SVIL: variants seen among roughly 807,000 people sequenced by gnomAD.
The protein encoded by SVIL is archvillin.
SVIL carries 101 observed loss-of-function variants against 240.4 expected under a neutral mutation model. The observed-to-expected ratio is 0.42, with a 90% CI of 0.36 to 0.50. SVIL has a LOEUF of 0.50. Ranked by LOEUF, SVIL falls within the 20% of genes least tolerant of loss-of-function variation. SVIL has a pLI of 0.01. For missense variants in SVIL, 2,512 were observed against 2,818.7 expected (o/e 0.89, Z 2.46); for synonymous variants, 999 against 1,100.0 (o/e 0.91, Z 1.82).
chr10:29,665,022 T>C lies in SVIL; in HGVS notation c.-300-6954A>G, dbSNP rs900185431. ...TAGAAGGTTGAGGTGGGAGAATTGCTTGAGGCCAGGAGTTCAAGACCAGCT... is the reference window on the plus strand; with the variant it reads ...TAGAAGGTTGAGGTGGGAGAATTGCCTGAGGCCAGGAGTTCAAGACCAGCT... On this transcript the variant is annotated intron_variant, in intron 2 of 35. Coordinates refer to the SVIL transcript ENST00000375400. Among the ~76,000 whole-genome samples, 10 of 152,082 alleles carry C rather than the reference T, an allele frequency of 6.6e-5. No individual in the cohort carries two copies. The East Asian group carries it at 1.9e-3, about 29-fold the overall frequency.
Position 29,612,157 on chromosome 10 carries a change from C to A in SVIL, c.-201+22263G>T, listed in dbSNP as rs150648226. On this transcript the variant is annotated intron_variant, in intron 1 of 37. Coordinates refer to ENST00000355867, the MANE Select transcript of SVIL (RefSeq NM_021738.3). ...GTCATAAGAGAATGTGCTTCCACCC[C>A]AGGGTAGCATGTGCCAGCCAGGTGG... 3.9e-3 allele frequency among the ~76,000 whole-genome samples: 592 copies of A among 152,204 alleles called. 5 individuals carry two copies. Among genetic ancestry groups the A allele is most frequent in the African/African-American group, 0.013 (550 of 41,534 alleles).
At chr10:29,500,343 G>A (rs1486169900) in intron 17 of SVIL, among the ~76,000 whole-genome samples, 2 of 152,250 alleles carry the variant, frequency 1.3e-5, no homozygotes, top group Non-Finnish European at 2.9e-5. Context: ...GGGCTGGGTG[G>A]GGAGCGGGGG....
At chr10:29,506,760 C>T (rs1241296878) in intron 17 of SVIL, among the ~76,000 whole-genome samples, 3 of 141,790 alleles carry the variant, frequency 2.1e-5, no homozygotes, top group African/African-American at 5.4e-5. Flanking sequence ...AGGGAGGGGA[C>T]AGAGGCCCTA....
intron 1 of SVIL, among the ~76,000 whole-genome samples, chr10:29,720,478 T>C (rs974423192): frequency 6.6e-6 from 1 of 152,012 alleles, no homozygotes; most frequent in Non-Finnish European, 1.5e-5. Flanking sequence ...ATCAGACATA[T>C]AAAAATGGAA....
At chr10:29,478,573 C>A (rs1307203026) in intron 29 of SVIL, among the ~76,000 whole-genome samples, 1 of 152,080 alleles carries the variant, frequency 6.6e-6, no homozygotes, top group Non-Finnish European at 1.5e-5. Context: ...GGTCCCAGCA[C>A]CTGTGGCCTT....
Position 29,735,624 on chromosome 10 carries a change from C to T in SVIL, c.-400+127G>A, listed in dbSNP as rs1017612968. The T allele has an allele frequency of 4.6e-5, 7 of 151,586 alleles. No individual in the cohort carries two copies. The highest frequency in any genetic ancestry group is 3.3e-4 in the Admixed American group (5 of 15,224). 9.4% of individuals were successfully genotyped at this position (151,586 alleles called of 1,614,324 possible). ...TTCCCGCTTCGGTCCCCGGCAGGGCCTCCCGCAGCCAGAGCGAGACTGACC... is the reference window on the plus strand; with the variant it reads ...TTCCCGCTTCGGTCCCCGGCAGGGCTTCCCGCAGCCAGAGCGAGACTGACC... On this transcript the variant is annotated intron_variant, in intron 1 of 35. Transcript: ENST00000375400. The surrounding 1 kb of genome is among the most constrained non-coding windows in gnomAD (Gnocchi z 4.1).
At chr10:29,582,989 A>C (rs1956016357) in intron 1 of SVIL, among the ~76,000 whole-genome samples, 1 of 152,178 alleles carries the variant, frequency 6.6e-6, no homozygotes, top group African/African-American at 2.4e-5. Context: ...GATGGTTTTC[A>C]CATGAACAGA....
At chr10:29,675,168 T>C (rs761453604) in intron 2 of SVIL, among the ~76,000 whole-genome samples, 1 of 152,304 alleles carries the variant, frequency 6.6e-6, no homozygotes, top group East Asian at 1.9e-4. Context: ...TCCACATGCA[T>C]GACCCCAGTA....
At chr10:29,685,043 G>A (rs954231911) in intron 2 of SVIL, among the ~76,000 whole-genome samples, 1 of 152,250 alleles carries the variant, frequency 6.6e-6, no homozygotes, top group South Asian at 2.1e-4. Context: ...TACCCAATGA[G>A]TATTTTTTCT....
chr10:29,643,543 T>C (rs1177284856), intron 3 of SVIL, among the ~76,000 whole-genome samples: 1 of 152,204 alleles, frequency 6.6e-6, no homozygotes, highest in African/African-American at 2.4e-5. Context: ...TTCTGTACCA[T>C]GGGCAAGTCA....
chr10:29,659,957 G>A (rs78260700), intron 2 of SVIL, among the ~76,000 whole-genome samples: 6,594 of 152,144 alleles, frequency 0.043, 214 homozygotes, highest in Admixed American at 0.096. Context: ...AAAATCCTTT[G>A]CCTGCTTAGG....
intron 1 of SVIL, among the ~76,000 whole-genome samples, chr10:29,720,200 C>T (rs1437388904): frequency 6.6e-6 from 1 of 151,958 alleles, no homozygotes. Flanking sequence ...TGAGACTTCA[C>T]TTTTTAAAAA....
At chr10:29,490,507 G>C (rs1298178812) in intron 22 of SVIL, among the ~76,000 whole-genome samples, 4 of 151,082 alleles carry the variant, frequency 2.6e-5, no homozygotes. Context: ...CAGCACTTTG[G>C]GAGATCAAGG....
chr10:29,712,067 ACTAT>A (rs1216767706), intron 1 of SVIL: 1 of 152,166 alleles, frequency 6.6e-6, no homozygotes, highest in Non-Finnish European at 1.5e-5. Flanking sequence ...GATATTAAGA[ACTAT>A]CTATTTTGAG....
intron 1 of SVIL, among the ~76,000 whole-genome samples, chr10:29,630,144 C>T (rs1589422798): frequency 6.6e-6 from 1 of 152,048 alleles, no homozygotes; most frequent in Admixed American, 6.6e-5. Flanking sequence ...AAAGAGGCTG[C>T]CAATGAGAGG....
At chr10:29,625,426 C>T (rs928610641) in intron 1 of SVIL, among the ~76,000 whole-genome samples, 4 of 152,028 alleles carry the variant, frequency 2.6e-5, no homozygotes, top group African/African-American at 7.2e-5. Flanking sequence ...GAGATGGGTA[C>T]TTGACTTGTA....
intron 2 of SVIL, among the ~76,000 whole-genome samples, chr10:29,565,542 G>T (rs1954900129): frequency 2.6e-5 from 4 of 152,174 alleles, no homozygotes; most frequent in South Asian, 2.1e-4. Context: ...TTCTGGTCTG[G>T]GCCTCAGTTG....
chr10:29,569,970 G>A (rs1180349994), intron 1 of SVIL, among the ~76,000 whole-genome samples: 1 of 152,236 alleles, frequency 6.6e-6, no homozygotes, highest in Non-Finnish European at 1.5e-5. Context: ...CTAATGGCAT[G>A]TAATCTGTTT....
intron 1 of SVIL, among the ~76,000 whole-genome samples, chr10:29,699,561 C>T (rs1001727424): frequency 2.0e-5 from 3 of 152,190 alleles, no homozygotes; most frequent in African/African-American, 4.8e-5. Flanking sequence ...TCCTTGGCCT[C>T]CAAAAGTGCT....
Sources: allele counts gnomAD v4.1 joint callset (sites outside exome capture counted in the v4.1 genomes callset), GRCh38; gene constraint gnomAD v4.1.1; non-coding constraint Gnocchi (gnomAD v3.1); transcripts MANE v1.5; gene names NCBI Gene and HGNC (gene_info 2026-07-23, HGNC 2026-07-21).